The following MYO1D variants were observed in gnomAD, a reference collection of about 807,000 sequenced individuals.
MYO1D encodes unconventional myosin-Id.
Under a neutral mutation model 122.0 loss-of-function variants are expected in MYO1D, and 83 were observed. That is an observed-to-expected ratio of 0.68 (90% CI 0.57 to 0.82). MYO1D has a LOEUF of 0.82. Ranked by LOEUF, MYO1D falls within the 40% of genes least tolerant of loss-of-function variation. The pLI is 0.00. For synonymous variants in MYO1D, 464 were observed against 446.9 expected (o/e 1.04, Z -0.48); for missense variants, 1,157 against 1,269.5 (o/e 0.91, Z 1.35).
intron 19 of MYO1D, among the ~76,000 whole-genome samples, chr17:32,644,767 G>T (rs559674311): frequency 2.0e-5 from 3 of 152,126 alleles, no homozygotes; most frequent in Admixed American, 1.3e-4. Flanking sequence ...TATTAGATTG[G>T]TAGATCTTCC....
chr17:32,682,758 C>A (rs12450892), intron 16 of MYO1D, among the ~76,000 whole-genome samples: 1 of 106,986 alleles, frequency 9.3e-6, no homozygotes, highest in Non-Finnish European at 2.0e-5. Flanking sequence ...AGTATCTTTG[C>A]GGCGTTCTCT....
intron 19 of MYO1D, among the ~76,000 whole-genome samples, chr17:32,640,070 C>T (rs983323393): frequency 9.2e-5 from 14 of 152,098 alleles, no homozygotes; most frequent in African/African-American, 3.4e-4. Context: ...CTCCCCTTTG[C>T]CCCATAGTTT....
At chr17:32,524,677 C>T (rs796392939) in intron 21 of MYO1D, among the ~76,000 whole-genome samples, 1 of 151,924 alleles carries the variant, frequency 6.6e-6, no homozygotes, top group South Asian at 2.1e-4. Flanking sequence ...ATTCTCCTGC[C>T]TCAGCCTCCT....
rs181345520 is a variant in MYO1D at position 32,826,801 on chromosome 17, C to A, written c.96-46017G>T. On this transcript the variant is annotated intron_variant, in intron 1 of 21. Coordinates refer to ENST00000318217, the MANE Select transcript of MYO1D (RefSeq NM_015194.3). ...AATATTTGGTAATGCATTTATCATA[C>A]TGTTTCATAATTTCCAGCTAAATTC... 2.7e-3 allele frequency among the ~76,000 whole-genome samples: 416 copies of A among 152,280 alleles called. 4 individuals are homozygous for A. Among genetic ancestry groups the A allele is most frequent in the African/African-American group, 8.6e-3 (359 of 41,564 alleles).
rs1268095408 is a variant in MYO1D, at chr17:32,493,085, GGA to G, written c.*1672_*1673del. The G allele has an allele frequency of 6.6e-6, 1 of 152,608 alleles. No individual in the cohort carries two copies. Among genetic ancestry groups the G allele is most frequent in the Non-Finnish European group, 1.5e-5 (1 of 68,068 alleles). 9.5% of individuals were successfully genotyped at this position (152,608 alleles called of 1,614,324 possible). On this transcript the variant is annotated 3_prime_UTR_variant, in exon 22 of 22. Coordinates refer to ENST00000318217, the MANE Select transcript of MYO1D (RefSeq NM_015194.3). The stretch of plus-strand genomic sequence containing the variant: ...AACAAGTTTGAGGAAATAAGTGGAA[GGA>G]GAGAGGAAGTTCCAGTTAGATGGTT...
chr17:32,595,196 A>G (rs988182973), intron 21 of MYO1D, among the ~76,000 whole-genome samples: 1 of 152,182 alleles, frequency 6.6e-6, no homozygotes, highest in African/African-American at 2.4e-5. Flanking sequence ...AATTACAGCT[A>G]GAGAGGAGGA....
chr17:32,698,660 C>T (rs1032181327), intron 16 of MYO1D, among the ~76,000 whole-genome samples: 11 of 151,962 alleles, frequency 7.2e-5, no homozygotes, highest in Non-Finnish European at 1.3e-4. Context: ...ACAAAATTAT[C>T]GTACTCACTG....
chr17:32,860,650 G>A (rs141293424), intron 1 of MYO1D, among the ~76,000 whole-genome samples: 2 of 152,318 alleles, frequency 1.3e-5, no homozygotes, highest in African/African-American at 4.8e-5. Flanking sequence ...TTGAAGAGTT[G>A]CTACTTGATT....
intron 20 of MYO1D, among the ~76,000 whole-genome samples, chr17:32,631,394 A>G (rs1183969172): frequency 3.3e-5 from 5 of 152,214 alleles, no homozygotes; most frequent in African/African-American, 1.2e-4. Flanking sequence ...TAATTCCAGC[A>G]CTTTGGGATT....
chr17:32,738,855 C>A (rs1490319604), intron 13 of MYO1D, among the ~76,000 whole-genome samples: 1 of 151,878 alleles, frequency 6.6e-6, no homozygotes, highest in Non-Finnish European at 1.5e-5. Flanking sequence ...CTACAGAAAG[C>A]CTGCTCTTTA....
intron 20 of MYO1D, among the ~76,000 whole-genome samples, chr17:32,635,836 T>A (rs976324986): frequency 2.0e-5 from 3 of 152,190 alleles, no homozygotes; most frequent in Non-Finnish European, 4.4e-5. Flanking sequence ...GAAGTATGGA[T>A]GCCCTTAGCT....
At chr17:32,605,835 C>T (rs1166135360) in intron 20 of MYO1D, among the ~76,000 whole-genome samples, 1 of 152,046 alleles carries the variant, frequency 6.6e-6, no homozygotes, top group African/African-American at 2.4e-5. Context: ...AATCCTAGCA[C>T]TTTGGGAGGC....
At chr17:32,581,427 CCTTT>C (rs2087337467) in intron 21 of MYO1D, among the ~76,000 whole-genome samples, 1 of 151,736 alleles carries the variant, frequency 6.6e-6, no homozygotes. Flanking sequence ...TCTGTTCTGA[CCTTT>C]CTTCTGCTTT....
chr17:32,657,029 C>T (rs1330747104), intron 17 of MYO1D, among the ~76,000 whole-genome samples: 2 of 152,204 alleles, frequency 1.3e-5, no homozygotes, highest in African/African-American at 2.4e-5. Flanking sequence ...GAGAAAGCCA[C>T]CCATGCTTCT....
At chr17:32,643,947 C>A (rs2088245880) in intron 19 of MYO1D, among the ~76,000 whole-genome samples, 1 of 152,000 alleles carries the variant, frequency 6.6e-6, no homozygotes, top group Non-Finnish European at 1.5e-5. Flanking sequence ...TTATTTCTTG[C>A]CTTCTGCTAG....
intron 1 of MYO1D, among the ~76,000 whole-genome samples, chr17:32,827,647 C>T (rs1319738018): frequency 2.0e-5 from 3 of 151,668 alleles, no homozygotes; most frequent in African/African-American, 7.3e-5. Flanking sequence ...TTTTTAAAAC[C>T]TCCAATCGAT....
At chr17:32,716,816 T>C (rs1193356047) in intron 15 of MYO1D, among the ~76,000 whole-genome samples, 2 of 152,260 alleles carry the variant, frequency 1.3e-5, no homozygotes, top group Admixed American at 1.3e-4. Flanking sequence ...GCAAACTGCA[T>C]GACCCTGGTT....
chr17:32,600,953 CTTTTTT>C (rs59778193), intron 21 of MYO1D, among the ~76,000 whole-genome samples: 1 of 141,642 alleles, frequency 7.1e-6, no homozygotes, highest in Non-Finnish European at 1.5e-5. Context: ...TTTCTTTTCC[CTTTTTT>C]TTTTTTTTTT....
chr17:32,512,248 A>C (rs1260749636), intron 21 of MYO1D, among the ~76,000 whole-genome samples: 1 of 152,052 alleles, frequency 6.6e-6, no homozygotes, highest in Non-Finnish European at 1.5e-5. Context: ...TGCAGTGAGC[A>C]GAGATGGCGC....
Sources: allele counts gnomAD v4.1 joint callset (sites outside exome capture counted in the v4.1 genomes callset), GRCh38; gene constraint gnomAD v4.1.1; transcripts MANE v1.5; gene names NCBI Gene and HGNC (gene_info 2026-07-23, HGNC 2026-07-21).